Variants in TRIP10 observed in about 807,000 individuals in gnomAD.
TRIP10 encodes cdc42-interacting protein 4.
A neutral mutation model predicts 80.9 loss-of-function variants in TRIP10; 54 were observed. The ratio of observed to expected loss-of-function variants is 0.67; its 90% CI spans 0.54 to 0.84. The LOEUF (loss-of-function observed/expected upper bound fraction) is 0.84. Ranked by LOEUF, TRIP10 falls within the 40% of genes least tolerant of loss-of-function variation. The pLI is 0.00. For missense variants in TRIP10, 773 were observed against 815.3 expected, an observed-to-expected ratio of 0.95 and a Z score of 0.63; for synonymous variants, 321 against 307.2, an observed-to-expected ratio of 1.04 and a Z score of -0.47.
At position 6,746,303 on chromosome 19, in the gene TRIP10, G is replaced by A; in HGVS notation, c.1152+107G>A. The A allele has an allele frequency of 2.7e-6, 4 of 1,491,820 alleles. No individual in the cohort carries two copies. Among genetic ancestry groups the A allele is most frequent in the Non-Finnish European group, 3.6e-6 (4 of 1,113,776 alleles). The allele number at this position is 1,491,820 out of a possible 1,614,324, so 92.4% of individuals were successfully genotyped here. Reference sequence around the variant, plus strand: ...GCCGCTGGCTGGGCCCCTCTTCCCTGGTTGCCCAACCCAGACCTGCTTTGC... The same window carrying A: ...GCCGCTGGCTGGGCCCCTCTTCCCTAGTTGCCCAACCCAGACCTGCTTTGC... On this transcript the variant is annotated intron_variant, in intron 10 of 14. Transcript: ENST00000313244. This position sits in a 1 kb window ranked among gnomAD's most constrained non-coding sequence, Gnocchi z 6.2.
In TRIP10 at chr19:6,739,777, G is replaced by A; in HGVS notation, c.16G>A (p.Glu6Lys). The stretch of plus-strand genomic sequence containing the variant: ...CGGGAGCAGCATGGATTGGGGCACT[G>A]AGCTGTGGGTAAGTCCAATCGGCCC... The part of the protein sequence containing the change: MDWGT[E>K]LWDQFEVLER... The change falls in exon 1 of 15, where the codon GAG (glutamate) becomes AAG (lysine). Residue 6 changes from glutamate to lysine, a missense_variant. Transcript: ENST00000313244. 1 of 1,469,422 alleles carries A rather than the reference G, an allele frequency of 6.8e-7. No individual in the cohort carries two copies. 91.0% of individuals were successfully genotyped at this position (1,469,422 alleles called of 1,614,324 possible). A position where few individuals can be genotyped will look rare whatever the true frequency, so the allele number is the denominator to read the frequency against.
At position 6,743,714 on chromosome 19, in the gene TRIP10, C is replaced by G. The variant is rs141198608; in HGVS notation, c.520C>G (p.Gln174Glu). 3 of 1,613,844 alleles carry G rather than the reference C, an allele frequency of 1.9e-6. No individual in the cohort carries two copies. Among genetic ancestry groups the G allele is most frequent in the Non-Finnish European group, 1.7e-6 (2 of 1,179,956 alleles). The change falls in exon 7 of 15, where the codon CAG (glutamine) becomes GAG (glutamate). Residue 174 changes from glutamine to glutamate, a missense_variant. By Grantham distance (29) the Gln-to-Glu change is conservative. Coordinates refer to ENST00000313244, the MANE Select transcript of TRIP10 (RefSeq NM_001288962.2). ...ATKADVEKAKQQAHLRSHMAE... is the reference protein window; with the variant it reads ...ATKADVEKAKEQAHLRSHMAE... ...CCACCTCTGCATTCTTCAGGCCAAG[C>G]AGCAAGCCCACCTTCGGAGTCACAT...
At chr19:6,750,461 C>G (rs1183183822) in intron 13 of TRIP10, 30 bp downstream of exon 13, 1 of 1,613,808 alleles carries the variant, frequency 6.2e-7, no homozygotes, top group South Asian at 1.1e-5. Flanking sequence ...TGGGTCTGTT[C>G]CCAGGGTCCC....
rs773003286 is a variant in TRIP10, at chr19:6,746,544, G to A, written c.1245G>A (p.Gln415=). ...TGGAAGAACGCAGTCGTGAACTTCAGAAGGAGGTTGACCAGAGGTAAGGTG... is the reference window on the plus strand; with the variant it reads ...TGGAAGAACGCAGTCGTGAACTTCAAAAGGAGGTTGACCAGAGGTAAGGTG... The part of the protein sequence containing the change: ...QQLEERSREL[Q]KEVDQREALK... Residue 415 remains glutamine (Q), a synonymous_variant, in exon 11 of 15, where the codon CAG becomes CAA. Transcript: ENST00000313244. The surrounding 1 kb of genome is among the most constrained non-coding windows in gnomAD (Gnocchi z 6.2). The A allele has an allele frequency of 6.2e-7, 1 of 1,614,188 alleles. No individual in the cohort carries two copies. The highest frequency in any genetic ancestry group is 1.1e-5 in the South Asian group (1 of 91,086).
Position 6,743,615 on chromosome 19 carries a change from C to CGGGGGGGGGTGGGGGGGGGGGGG in TRIP10, c.513+26_513+27insTGGGGGGGGGGGGGGGGGGGGGG. On this transcript the variant is annotated intron_variant, in intron 6 of 14. Transcript: ENST00000313244. ...GTGGAGAAGGTGTGTGTGGCGGGGG[C>CGGGGGGGGGTGGGGGGGGGGGGG]GGGGGGGGGGTGCGGGGTCTGGGAC... 1.3e-6 allele frequency: 1 copy of CGGGGGGGGGTGGGGGGGGGGGGG among 770,176 alleles called. No individual in the cohort carries two copies. The highest frequency in any genetic ancestry group is 1.8e-6 in the Non-Finnish European group (1 of 549,192). The allele number at this position is 770,176 out of a possible 1,614,324, so 47.7% of individuals were successfully genotyped here.
chr19:6,739,885 T>G (rs1430449498), intron 1 of TRIP10, 100 bp downstream of exon 1: 5 of 1,293,224 alleles, frequency 3.9e-6, no homozygotes, highest in African/African-American at 3.1e-5. Context: ...CGCCTTTCCC[T>G]TCCACCGACC....
chr19:6,741,011 A>G lies in TRIP10; in HGVS notation c.26A>G (p.Asp9Gly). 7 of 1,612,238 alleles carry G rather than the reference A, an allele frequency of 4.3e-6. No homozygotes were observed. The highest frequency in any genetic ancestry group is 5.9e-6 in the Non-Finnish European group (7 of 1,178,714). MDWGTELW[D>G]QFEVLERHTQ... is the part of the protein sequence containing the mutation. Reference sequence around the variant, plus strand: ...CTCCCCCACCATGTCCCATGTCAGGATCAGTTCGAGGTGCTCGAGCGCCAC... The same window carrying G: ...CTCCCCCACCATGTCCCATGTCAGGGTCAGTTCGAGGTGCTCGAGCGCCAC... Residue 9 changes from aspartate to glycine, a missense_variant and splice_region_variant, in exon 2 of 15, where the codon GAT (aspartate) becomes GGT (glycine). By Grantham distance (94) the Asp-to-Gly change is moderately conservative. Coordinates refer to ENST00000313244, the MANE Select transcript of TRIP10 (RefSeq NM_001288962.2).
chr19:6,749,416 G>C (rs753482655), intron 11 of TRIP10, among the ~76,000 whole-genome samples: 1 of 152,152 alleles, frequency 6.6e-6, no homozygotes, highest in African/African-American at 2.4e-5. Context: ...AAACAGCAGT[G>C]GGGGTTCAAT....
At position 6,746,106 on chromosome 19, in the gene TRIP10, C is replaced by G. The variant is rs191926203; in HGVS notation, c.1062C>G (p.Ser354=). 3 of 1,545,672 alleles carry G rather than the reference C, an allele frequency of 1.9e-6. No homozygotes were observed. The South Asian group carries it at 3.6e-5, about 19-fold the overall frequency. Residue 354 remains serine (S), a synonymous_variant, in exon 10 of 15, where the codon TCC becomes TCG. Transcript: ENST00000313244. The surrounding 1 kb of genome is among the most constrained non-coding windows in gnomAD (Gnocchi z 6.2). ...ALPNGPPSPR[S]GRDPLAILSE... Reference sequence around the variant, plus strand: ...CTAACGGACCCCCGTCCCCCCGCTCCGGCCGTGACCCCTTGGCCATACTGA... The same window carrying G: ...CTAACGGACCCCCGTCCCCCCGCTCGGGCCGTGACCCCTTGGCCATACTGA...
chr19:6,739,857 A>G (rs1968855622), intron 1 of TRIP10, 72 bp downstream of exon 1: 14 of 1,360,234 alleles, frequency 1.0e-5, no homozygotes, highest in Non-Finnish European at 1.2e-5. Flanking sequence ...TCCCCAATGT[A>G]TCTTAGAGGG....
chr19:6,745,490 A>G lies in TRIP10; in HGVS notation c.984+496A>G. 1 of 845,844 alleles carries G rather than the reference A, an allele frequency of 1.2e-6. No individual in the cohort carries two copies. Among genetic ancestry groups the G allele is most frequent in the Non-Finnish European group, 1.4e-6 (1 of 702,932 alleles). The allele number at this position is 845,844 out of a possible 1,614,324, so 52.4% of individuals were successfully genotyped here. A position where few individuals can be genotyped will look rare whatever the true frequency, so the allele number is the denominator to read the frequency against. On this transcript the variant is annotated intron_variant, in intron 9 of 14. Coordinates refer to ENST00000313244, the MANE Select transcript of TRIP10 (RefSeq NM_001288962.2). This position sits in a 1 kb window ranked among gnomAD's most constrained non-coding sequence, Gnocchi z 7.2. ...CTTGACTTAACACCTGTGATCCCCG[A>G]GCTTAAACTTCTGATGCCCCTAACC...
At chr19:6,748,293 C>T (rs1184166762) in intron 11 of TRIP10, 1 of 152,162 alleles carries the variant, frequency 6.6e-6, no homozygotes, top group Non-Finnish European at 1.5e-5. Context: ...TGCATGTAAC[C>T]TCTTGGACAG....
At chr19:6,747,649 T>G (rs1365359622) in intron 11 of TRIP10, among the ~76,000 whole-genome samples, 2 of 151,896 alleles carry the variant, frequency 1.3e-5, no homozygotes, top group African/African-American at 4.8e-5. Context: ...AAAAACTAGC[T>G]GGGCATTGTG....
At position 6,744,797 on chromosome 19, in the gene TRIP10, C is replaced by G; in HGVS notation, c.790-3C>G. ...CTGCTCATCCACTGTCCCCCTCCCC[C>G]AGGACTCCCACGTCCTTATAGAGCT... On this transcript the variant is annotated splice_polypyrimidine_tract_variant and splice_region_variant and intron_variant, in intron 8 of 14. Transcript: ENST00000313244. This position sits in a 1 kb window ranked among gnomAD's most constrained non-coding sequence, Gnocchi z 4.9. 6.2e-7 allele frequency: 1 copy of G among 1,611,604 alleles called. No homozygotes were observed.
At chr19:6,739,929 T>G in intron 1 of TRIP10, 144 bp downstream of exon 1, 1 of 1,043,928 alleles carries the variant, frequency 9.6e-7, no homozygotes, top group Non-Finnish European at 1.2e-6. Flanking sequence ...CCGCTCTCTC[T>G]CGAAGTTTAT....
intron 6 of TRIP10, 24 bp downstream of exon 6, chr19:6,743,622 G>GC (rs764826486): frequency 2.2e-6 from 3 of 1,348,462 alleles, no homozygotes; most frequent in South Asian, 1.2e-5. Context: ...GGGCGGGGGG[G>GC]GGGTGCGGGG....
In TRIP10 at chr19:6,744,731, C is replaced by A; in HGVS notation, c.789+31C>A. 6.3e-7 allele frequency: 1 copy of A among 1,590,902 alleles called. No individual in the cohort carries two copies. Among genetic ancestry groups the A allele is most frequent in the Non-Finnish European group, 8.6e-7 (1 of 1,167,256 alleles). On this transcript the variant is annotated intron_variant, in intron 8 of 14. Coordinates refer to ENST00000313244, the MANE Select transcript of TRIP10 (RefSeq NM_001288962.2). This position sits in a 1 kb window ranked among gnomAD's most constrained non-coding sequence, Gnocchi z 4.9. Reference sequence around the variant, plus strand: ...TGCCTGGTCTGGGTCCACTGGGCTACGGGAAGGGCAGAGGGAGGTACCCAT... The same window carrying A: ...TGCCTGGTCTGGGTCCACTGGGCTAAGGGAAGGGCAGAGGGAGGTACCCAT...
chr19:6,751,381 G>T lies in TRIP10; in HGVS notation c.*170G>T. On this transcript the variant is annotated 3_prime_UTR_variant, in exon 15 of 15. Coordinates refer to ENST00000313244, the MANE Select transcript of TRIP10 (RefSeq NM_001288962.2). ...CCTACCTGTCACACCGGACGGACCCGCTGTGCCTTCTACCATCGTTCCACC... is the reference window on the plus strand; with the variant it reads ...CCTACCTGTCACACCGGACGGACCCTCTGTGCCTTCTACCATCGTTCCACC... 1.5e-6 allele frequency: 2 copies of T among 1,375,014 alleles called. No homozygotes were observed. Among genetic ancestry groups the T allele is most frequent in the Non-Finnish European group, 1.9e-6 (2 of 1,054,128 alleles). 85.2% of individuals were successfully genotyped at this position (1,375,014 alleles called of 1,614,324 possible).
intron 3 of TRIP10, 40 bp from the exon 4 acceptor site, chr19:6,742,927 G>A: frequency 6.2e-7 from 1 of 1,607,658 alleles, no homozygotes; most frequent in Non-Finnish European, 8.5e-7. Flanking sequence ...TCGGGAGGAG[G>A]GGCCTGACTC....
Sources: allele counts gnomAD v4.1 joint callset (sites outside exome capture counted in the v4.1 genomes callset), GRCh38; gene constraint gnomAD v4.1.1; non-coding constraint Gnocchi (gnomAD v3.1); transcripts MANE v1.5; gene names NCBI Gene and HGNC (gene_info 2026-07-23, HGNC 2026-07-21).